CDC45: variants seen among roughly 807,000 people sequenced by gnomAD.
The protein encoded by CDC45 is cell division control protein 45 homolog.
In CDC45, 54 loss-of-function variants were observed where a neutral mutation model predicts 77.8. That is an observed-to-expected ratio of 0.69 (90% CI 0.56 to 0.87). The LOEUF (loss-of-function observed/expected upper bound fraction) is 0.87, where lower values mean the gene tolerates loss of function less well. Ranked by LOEUF, CDC45 falls within the 40% of genes least tolerant of loss-of-function variation. CDC45 has a pLI of 0.00. For synonymous variants in CDC45, 260 were observed against 272.1 expected (o/e 0.96, Z 0.44); for missense variants, 649 against 721.6 (o/e 0.90, Z 1.15).
chr22:19,480,955 CT>C lies in CDC45; in HGVS notation c.116del (p.Leu39CysfsTer37). 6.2e-7 allele frequency: 1 copy of C among 1,607,162 alleles called. No homozygotes were observed. The highest frequency in any genetic ancestry group is 8.5e-7 in the Non-Finnish European group (1 of 1,175,130). The stretch of plus-strand genomic sequence containing the variant: ...CTTTGAAAACACTCTCTCTCCAGGC[CT>C]TGTTCCAGTGTGACCACGTGCAATA... Reference protein sequence around the residue: ...ALCACKILQALFQCDHVQYTL... With the variant: ...ALCACKILQAXFQCDHVQYTL... On this transcript the variant is annotated frameshift_variant, in exon 3 of 19. Transcript: ENST00000263201. LOFTEE classifies it high-confidence loss of function.
chr22:19,519,456 C>T (rs191537960), intron 18 of CDC45, among the ~76,000 whole-genome samples: 12 of 152,358 alleles, frequency 7.9e-5, no homozygotes, highest in African/African-American at 2.9e-4. Flanking sequence ...GTCACTGTCC[C>T]GGGACACCTC....
upstream of CDC45, chr22:19,479,469 C>G: frequency 1.6e-6 from 1 of 632,338 alleles, no homozygotes; most frequent in Non-Finnish European, 2.9e-6. Flanking sequence ...ACTACCCAGA[C>G]TGCCTCTGCT....
intron 5 of CDC45, among the ~76,000 whole-genome samples, chr22:19,492,673 A>G (rs866130251): frequency 6.6e-6 from 1 of 152,132 alleles, no homozygotes; most frequent in Non-Finnish European, 1.5e-5. Flanking sequence ...GTAATCTTCA[A>G]ATGAAACCAG....
chr22:19,498,831 G>T lies in CDC45; in HGVS notation c.654-270G>T, dbSNP rs564589160. ...GGGAGTGCTGGCTCCTATTATAGCT[G>T]CCATGGCTCTCCTGGGAGGTTTTCC... On this transcript the variant is annotated intron_variant, in intron 8 of 18. Coordinates refer to ENST00000263201, the MANE Select transcript of CDC45 (RefSeq NM_003504.5). Among the ~76,000 whole-genome samples, 7 of 152,294 alleles carry T rather than the reference G, an allele frequency of 4.6e-5. No homozygotes were observed. In the East Asian group the frequency reaches 1.4e-3, roughly 29 times the overall value.
intron 13 of CDC45, among the ~76,000 whole-genome samples, chr22:19,513,270 A>G (rs1933612182): frequency 6.6e-6 from 1 of 152,218 alleles, no homozygotes; most frequent in Non-Finnish European, 1.5e-5. Flanking sequence ...CAAGACTGAT[A>G]ACAATCTTGG....
chr22:19,514,857 G>A lies in CDC45; in HGVS notation c.1326G>A (p.Gln442=). ...SCLCTNLVIS[Q]GPFLYCSLME... ...TTTGCACCAACCTCGTCATCTCCCA[G>A]GGGCCTTTCCTGTACTGCTCTCTCA... Residue 442 remains glutamine (Q), a synonymous_variant, in exon 14 of 19, where the codon CAG becomes CAA. Coordinates refer to ENST00000263201, the MANE Select transcript of CDC45 (RefSeq NM_003504.5). 6.2e-7 allele frequency: 1 copy of A among 1,614,158 alleles called. No homozygotes were observed. Among genetic ancestry groups the A allele is most frequent in the East Asian group, 2.2e-5 (1 of 44,884 alleles).
At chr22:19,505,195 G>A (rs1024205567) in intron 9 of CDC45, 167 bp from the exon 10 acceptor site, 2 of 704,214 alleles carry the variant, frequency 2.8e-6, no homozygotes, top group African/African-American at 3.6e-5. Flanking sequence ...GTTTTCCTGG[G>A]TGCTTGGTTT....
chr22:19,494,337 A>G lies in CDC45; in HGVS notation c.497A>G (p.Glu166Gly). ...TTGTCCCTGTATCAGGAGATAGTGG[A>G]GCAAACCATGCGGAGGAGGCAGCGG... ...KRTRLEEEIV[E>G]QTMRRRQRRE... The change falls in exon 6 of 19, where the codon GAG (glutamate) becomes GGG (glycine). Residue 166 changes from glutamate to glycine, a missense_variant. Transcript: ENST00000263201. 1 of 1,612,710 alleles carries G rather than the reference A, an allele frequency of 6.2e-7. No individual in the cohort carries two copies. The highest frequency in any genetic ancestry group is 8.5e-7 in the Non-Finnish European group (1 of 1,179,936).
chr22:19,519,876 C>T (rs1457792650), intron 18 of CDC45, among the ~76,000 whole-genome samples: 3 of 152,266 alleles, frequency 2.0e-5, no homozygotes, highest in Non-Finnish European at 2.9e-5. Flanking sequence ...GTCAGACCCT[C>T]GGGGTTTTTG....
chr22:19,515,733 T>A (rs1933750809), intron 15 of CDC45, among the ~76,000 whole-genome samples: 1 of 152,268 alleles, frequency 6.6e-6, no homozygotes, highest in Admixed American at 6.5e-5. Context: ...TGACGTCCTC[T>A]AGGCTGTGTT....
intron 3 of CDC45, 50 bp downstream of exon 3, chr22:19,481,095 T>A: frequency 9.6e-6 from 11 of 1,142,924 alleles, no homozygotes; most frequent in Non-Finnish European, 1.5e-5. Context: ...CAATTGTAAT[T>A]TCTTGACACA....
chr22:19,498,253 C>G (rs1438399246), intron 8 of CDC45, among the ~76,000 whole-genome samples: 1 of 152,218 alleles, frequency 6.6e-6, no homozygotes, highest in Non-Finnish European at 1.5e-5. Flanking sequence ...TTCCTGAGCC[C>G]AGAAGTTCAG....
chr22:19,500,682 A>G (rs5993654), intron 9 of CDC45, among the ~76,000 whole-genome samples: 54,283 of 151,842 alleles, frequency 0.36, 11,874 homozygotes, highest in Non-Finnish European at 0.48. Flanking sequence ...CCACCAATCA[A>G]CTATCCCAAT....
chr22:19,480,275 G>T, intron 2 of CDC45, 58 bp downstream of exon 2: 1 of 1,495,836 alleles, frequency 6.7e-7, no homozygotes, highest in South Asian at 1.1e-5. Context: ...GGTGCTGCGT[G>T]GGGGCGCAGG....
chr22:19,480,366 A>T (rs1169857593), intron 2 of CDC45, 149 bp downstream of exon 2: 4 of 758,412 alleles, frequency 5.3e-6, no homozygotes, highest in Non-Finnish European at 9.1e-6. Flanking sequence ...AAGTGAGAGG[A>T]GAGAGACTCG....
rs372934193 is a variant in CDC45, at chr22:19,479,941, G to A, written c.-28G>A. 5 of 1,612,108 alleles carry A rather than the reference G, an allele frequency of 3.1e-6. No homozygotes were observed. The highest frequency in any genetic ancestry group is 1.7e-5 in the Admixed American group (1 of 60,004). On this transcript the variant is annotated 5_prime_UTR_variant, in exon 1 of 19. Transcript: ENST00000263201. ...CGCCGGGCTCTTGGTACCTCAGCGC[G>A]AGCGCCAGGCGTCCGGCCGCCGTGG... is the stretch of plus-strand genomic sequence containing the variant.
intron 15 of CDC45, among the ~76,000 whole-genome samples, chr22:19,516,068 G>A (rs545139832): frequency 1.3e-5 from 2 of 152,082 alleles, no homozygotes; most frequent in East Asian, 3.9e-4. Context: ...CGGGGGGGAC[G>A]AGGAGTGGCA....
intron 13 of CDC45, among the ~76,000 whole-genome samples, chr22:19,511,489 C>T (rs1024527273): frequency 6.6e-6 from 1 of 152,044 alleles, no homozygotes; most frequent in Admixed American, 6.6e-5. Flanking sequence ...AGCTACCACA[C>T]CTGCTAATTT....
chr22:19,506,185 C>T (rs149150713), intron 10 of CDC45, among the ~76,000 whole-genome samples: 1,978 of 152,208 alleles, frequency 0.013, 31 homozygotes, highest in Non-Finnish European at 0.019. Context: ...ACGGAGCTGC[C>T]CTGTCTCTGC....
Sources: allele counts gnomAD v4.1 joint callset (sites outside exome capture counted in the v4.1 genomes callset), GRCh38; gene constraint gnomAD v4.1.1; transcripts MANE v1.5; gene names NCBI Gene and HGNC (gene_info 2026-07-23, HGNC 2026-07-21).